ANAPC16: variants seen among roughly 807,000 people sequenced by gnomAD.
The protein encoded by ANAPC16 is anaphase promoting complex subunit 16, also known as anaphase-promoting complex subunit 16.
ANAPC16 carries 6 observed loss-of-function variants against 13.1 expected under a neutral mutation model. That is an observed-to-expected ratio of 0.46 (90% CI 0.25 to 0.90). The LOEUF (loss-of-function observed/expected upper bound fraction) is 0.90. ANAPC16 is among the 40% of genes least tolerant of loss of function. The pLI, the probability that ANAPC16 is intolerant of heterozygous loss-of-function variation, is 0.18. For synonymous variants in ANAPC16, 55 were observed against 51.3 expected (o/e 1.07, Z -0.31); for missense variants, 113 against 131.1 (o/e 0.86, Z 0.67).
chr10:72,225,844 T>C (rs1860103584), intron 2 of ANAPC16, among the ~76,000 whole-genome samples: 1 of 149,904 alleles, frequency 6.7e-6, no homozygotes, highest in South Asian at 2.1e-4. Context: ...GAGGTTGCGG[T>C]GAGCAGATAT....
chr10:72,235,534 C>A lies in ANAPC16; in HGVS notation c.*2418C>A, dbSNP rs996852308. ...ACTCACATTTTCTATATTAATAATT[C>A]TTAACTAAAAGAAGTTCCATATTCG... is the stretch of plus-strand genomic sequence containing the variant. On this transcript the variant is annotated 3_prime_UTR_variant, in exon 4 of 4. Coordinates refer to ENST00000299381, the MANE Select transcript of ANAPC16 (RefSeq NM_173473.4). The A allele has an allele frequency of 6.6e-6, 1 of 152,192 alleles. No homozygotes were observed. Among genetic ancestry groups the A allele is most frequent in the Non-Finnish European group, 1.5e-5 (1 of 68,028 alleles). The allele number at this position is 152,192 out of a possible 1,614,324, so 9.4% of individuals were successfully genotyped here. A position where few individuals can be genotyped will look rare whatever the true frequency, so the allele number is the denominator to read the frequency against.
At chr10:72,216,896 C>T (rs1248722493) in intron 1 of ANAPC16, 15 of 456,012 alleles carry the variant, frequency 3.3e-5, no homozygotes, top group Non-Finnish European at 6.6e-5. Flanking sequence ...CTCCGGTGGG[C>T]CTGGCAAACT....
intron 1 of ANAPC16, among the ~76,000 whole-genome samples, chr10:72,222,768 A>C (rs1859990640): frequency 6.6e-6 from 1 of 152,310 alleles, no homozygotes. Flanking sequence ...CAAGAGCGAG[A>C]CTCCGTCTCA....
At chr10:72,225,301 A>G (rs562604371) in intron 2 of ANAPC16, among the ~76,000 whole-genome samples, 9 of 151,812 alleles carry the variant, frequency 5.9e-5, no homozygotes, top group African/African-American at 2.2e-4. Context: ...ATATAAATAA[A>G]TAAATAAAAT....
Position 72,230,350 on chromosome 10 carries a change from C to G in ANAPC16, c.143-16C>G, listed in dbSNP as rs1370098649. ...CCTTTAGAGCAGATTAAAACCTTTTCTCCTTTTGTTTGTAGATGGCTCTGA... is the reference window on the plus strand; with the variant it reads ...CCTTTAGAGCAGATTAAAACCTTTTGTCCTTTTGTTTGTAGATGGCTCTGA... On this transcript the variant is annotated splice_polypyrimidine_tract_variant and intron_variant, in intron 2 of 3. Coordinates refer to ENST00000299381, the MANE Select transcript of ANAPC16 (RefSeq NM_173473.4). 4.3e-6 allele frequency: 7 copies of G among 1,611,194 alleles called. No individual in the cohort carries two copies. The highest frequency in any genetic ancestry group is 5.1e-6 in the Non-Finnish European group (6 of 1,177,626).
chr10:72,216,287 A>C (rs1235785981), intron 1 of ANAPC16, 149 bp downstream of exon 1: 1 of 158,646 alleles, frequency 6.3e-6, no homozygotes, highest in African/African-American at 2.4e-5. Flanking sequence ...AAATTTCCCC[A>C]GGCCGGGTTT....
intron 2 of ANAPC16, among the ~76,000 whole-genome samples, chr10:72,230,139 A>G (rs1303949029): frequency 6.6e-6 from 1 of 152,130 alleles, no homozygotes. Context: ...TTTTTTAAAC[A>G]CTATTTTTAA....
chr10:72,232,384 A>T (rs1239375258), intron 3 of ANAPC16, among the ~76,000 whole-genome samples: 1 of 151,012 alleles, frequency 6.6e-6, no homozygotes, highest in African/African-American at 2.4e-5. Context: ...ATCTCTACAA[A>T]AATAAAAAAC....
chr10:72,229,862 A>G (rs1860241822), intron 2 of ANAPC16, among the ~76,000 whole-genome samples: 1 of 152,216 alleles, frequency 6.6e-6, no homozygotes, highest in Non-Finnish European at 1.5e-5. Context: ...ACAGAATGAA[A>G]TTTCCCAGCA....
intron 1 of ANAPC16, among the ~76,000 whole-genome samples, chr10:72,221,135 T>C (rs1859915862): frequency 6.6e-6 from 1 of 152,148 alleles, no homozygotes; most frequent in Non-Finnish European, 1.5e-5. Context: ...AGGCTAGTCT[T>C]GAACTCCTGA....
intron 1 of ANAPC16, among the ~76,000 whole-genome samples, chr10:72,217,512 A>G (rs1249404205): frequency 6.6e-6 from 1 of 151,792 alleles, no homozygotes; most frequent in East Asian, 1.9e-4. Context: ...TGCTTAATAG[A>G]AGGCACTGGC....
chr10:72,228,563 C>G (rs1038662265), intron 2 of ANAPC16, among the ~76,000 whole-genome samples: 9 of 152,168 alleles, frequency 5.9e-5, no homozygotes, highest in African/African-American at 2.2e-4. Flanking sequence ...TGATGTATTG[C>G]TACCTGCTGT....
At chr10:72,218,378 G>A (rs1433361941) in intron 1 of ANAPC16, among the ~76,000 whole-genome samples, 2 of 151,438 alleles carry the variant, frequency 1.3e-5, no homozygotes, top group African/African-American at 4.9e-5. Flanking sequence ...CAAGTAAGTA[G>A]CAAAACCAGA....
intron 1 of ANAPC16, among the ~76,000 whole-genome samples, chr10:72,222,273 C>A (rs868078366): frequency 6.6e-6 from 1 of 151,428 alleles, no homozygotes; most frequent in African/African-American, 2.4e-5. Context: ...CAAAAATTAG[C>A]TGGGCGTGGT....
intron 2 of ANAPC16, among the ~76,000 whole-genome samples, chr10:72,227,748 A>G (rs923182493): frequency 2.0e-5 from 3 of 151,906 alleles, no homozygotes; most frequent in Non-Finnish European, 4.4e-5. Context: ...ATGAAAATAG[A>G]GGCCGGGCAC....
At chr10:72,222,486 A>C (rs993583509) in intron 1 of ANAPC16, among the ~76,000 whole-genome samples, 1 of 148,028 alleles carries the variant, frequency 6.8e-6, no homozygotes, top group South Asian at 2.2e-4. Flanking sequence ...AAAAAAAAAA[A>C]AGGAAAGAGG....
intron 1 of ANAPC16, among the ~76,000 whole-genome samples, chr10:72,222,963 G>A (rs1393772736): frequency 6.6e-6 from 1 of 152,010 alleles, no homozygotes; most frequent in Non-Finnish European, 1.5e-5. Flanking sequence ...AACACTCACA[G>A]GTAGGTGCTC....
At chr10:72,224,876 C>T (rs1342828465) in intron 2 of ANAPC16, among the ~76,000 whole-genome samples, 1 of 152,158 alleles carries the variant, frequency 6.6e-6, no homozygotes, top group Non-Finnish European at 1.5e-5. Flanking sequence ...GCACCAAAGC[C>T]AGATTTGCAT....
Position 72,232,996 on chromosome 10 carries a change from T to C in ANAPC16, c.218-5T>C. 1 of 1,613,212 alleles carries C rather than the reference T, an allele frequency of 6.2e-7. No individual in the cohort carries two copies. The highest frequency in any genetic ancestry group is 1.1e-5 in the South Asian group (1 of 91,062). On this transcript the variant is annotated splice_region_variant and splice_polypyrimidine_tract_variant and intron_variant, in intron 3 of 3. Coordinates refer to ENST00000299381, the MANE Select transcript of ANAPC16 (RefSeq NM_173473.4). ...GCATAATATTCTTTCCTTGACTCCT[T>C]ACAGATCAGCAAGTTGCTCGGATGG... is the stretch of plus-strand genomic sequence containing the variant.
Sources: allele counts gnomAD v4.1 joint callset (sites outside exome capture counted in the v4.1 genomes callset), GRCh38; gene constraint gnomAD v4.1.1; transcripts MANE v1.5; gene names NCBI Gene and HGNC (gene_info 2026-07-23, HGNC 2026-07-21).